The following BTG3 variants were observed in gnomAD, a reference collection of about 807,000 sequenced individuals.
BTG3 encodes the protein protein BTG3.
In BTG3, 4 loss-of-function variants were observed where a neutral mutation model predicts 25.8. The ratio of observed to expected loss-of-function variants is 0.16; its 90% CI spans 0.08 to 0.36. The LOEUF (loss-of-function observed/expected upper bound fraction) is 0.36, where lower values mean the gene tolerates loss of function less well. Among genes scored for constraint, BTG3 ranks in the 10% least tolerant of loss-of-function variants. BTG3 has a pLI of 1.00. For synonymous variants in BTG3, 107 were observed against 99.9 expected, an observed-to-expected ratio of 1.07 and a Z score of -0.42; for missense variants, 201 against 304.9, an observed-to-expected ratio of 0.66 and a Z score of 2.54.
intron 1 of BTG3, among the ~76,000 whole-genome samples, chr21:17,610,889 G>A (rs1052901074): frequency 6.6e-6 from 1 of 152,130 alleles, no homozygotes; most frequent in Non-Finnish European, 1.5e-5. Context: ...TATTCCAAGT[G>A]CAAATTCAAA....
At position 17,604,768 on chromosome 21, in the gene BTG3, A is replaced by G. The variant is rs184635825; in HGVS notation, c.311+92T>C. 1.1e-5 allele frequency: 16 copies of G among 1,428,276 alleles called. 1 individual carries two copies. The African/African-American group carries it at 1.9e-4, about 17-fold the overall frequency. The allele number at this position is 1,428,276 out of a possible 1,614,324, so 88.5% of individuals were successfully genotyped here. On this transcript the variant is annotated intron_variant, in intron 3 of 4. Transcript: ENST00000348354. ...AGAGTTAAACCACCAGCTCCTGGCC[A>G]TAAAGATACACAGGCAGGCCGTACA...
chr21:17,608,279 A>G (rs1367649214), intron 2 of BTG3, among the ~76,000 whole-genome samples: 1 of 152,014 alleles, frequency 6.6e-6, no homozygotes, highest in East Asian at 1.9e-4. Context: ...AGTCTGAGGC[A>G]GTAGGATTGC....
chr21:17,605,078 G>T, intron 2 of BTG3, 81 bp from the exon 3 acceptor site: 1 of 1,459,188 alleles, frequency 6.9e-7, no homozygotes, highest in African/African-American at 1.4e-5. Flanking sequence ...ACTTGCCAAG[G>T]TGAGTAATAA....
In BTG3 at chr21:17,609,021, A is replaced by G; in HGVS notation, c.124T>C (p.Tyr42His). Residue 42 changes from tyrosine (Y) to histidine (H), a missense_variant, in exon 2 of 5, where the codon TAT (tyrosine) becomes CAT (histidine). Physicochemically the swap from Tyr to His is moderately conservative, Grantham distance 83 (BLOSUM62 2). Transcript: ENST00000348354. ...TTTTCTGGATACCAGTGATTTTTAT[A>G]TTTTTCTTGAAGTATTAGGGTCAAT... is the stretch of plus-strand genomic sequence containing the variant. ...EKLTLILQEKYKNHWYPEKPS... is the reference protein window; with the variant it reads ...EKLTLILQEKHKNHWYPEKPS... 1 of 1,613,524 alleles carries G rather than the reference A, an allele frequency of 6.2e-7. No homozygotes were observed. The highest frequency in any genetic ancestry group is 8.5e-7 in the Non-Finnish European group (1 of 1,179,892).
intron 1 of BTG3, chr21:17,612,338 G>A (rs893264583): frequency 4.6e-5 from 7 of 152,230 alleles, no homozygotes; most frequent in African/African-American, 9.6e-5. Flanking sequence ...CGGAGCTCCA[G>A]AAAAAACACC....
rs1041414224 is a variant in BTG3, at chr21:17,612,746, C to G, written c.-56G>C. 6.6e-6 allele frequency: 1 copy of G among 152,586 alleles called. No individual in the cohort carries two copies. The highest frequency in any genetic ancestry group is 1.5e-5 in the Non-Finnish European group (1 of 68,410). The allele number at this position is 152,586 out of a possible 1,614,324, so 9.5% of individuals were successfully genotyped here. A position where few individuals can be genotyped will look rare whatever the true frequency, so the allele number is the denominator to read the frequency against. ...CGGCCGGAGATTCGGCGGCCCAGAC[C>G]GTGTCCTGGCCGGGAACTGAGGGCT... On this transcript the variant is annotated 5_prime_UTR_variant, in exon 1 of 5. Coordinates refer to ENST00000348354, the MANE Select transcript of BTG3 (RefSeq NM_006806.5).
chr21:17,603,615 A>AGGCCAGGT (rs1374071379), intron 3 of BTG3, among the ~76,000 whole-genome samples: 9 of 152,230 alleles, frequency 5.9e-5, no homozygotes, highest in African/African-American at 1.9e-4. Flanking sequence ...ATCAATAAAG[A>AGGCCAGGT]GGCCAGGTGG....
intron 2 of BTG3, among the ~76,000 whole-genome samples, chr21:17,606,545 A>T (rs1419137488): frequency 6.6e-6 from 1 of 152,150 alleles, no homozygotes; most frequent in Non-Finnish European, 1.5e-5. Flanking sequence ...ATAAAAAGAT[A>T]TATCTTAGAT....
In BTG3 at chr21:17,597,696, C is replaced by T. The variant is rs1229158317; in HGVS notation, c.519+921G>A. ...TATGATAATCTTCAGAAATAATCTT[C>T]CCCTAAAGTCTAGGAAGAATAATTC... On this transcript the variant is annotated intron_variant, in intron 4 of 4. Transcript: ENST00000348354. 4.7e-5 allele frequency among the ~76,000 whole-genome samples: 7 copies of T among 149,982 alleles called. No individual in the cohort carries two copies. The South Asian group carries it at 1.1e-3, about 23-fold the overall frequency.
chr21:17,612,492 GCCTCGCGGGCCGC>G (rs901409325), intron 1 of BTG3, 194 bp downstream of exon 1: 1 of 152,172 alleles, frequency 6.6e-6, no homozygotes, highest in African/African-American at 2.4e-5. Flanking sequence ...CCCGCGGAAA[GCCTCGCGGGCCGC>G]CCTCGCGGCC....
chr21:17,598,545 C>T lies in BTG3; in HGVS notation c.519+72G>A, dbSNP rs148316170. On this transcript the variant is annotated intron_variant, in intron 4 of 4. Coordinates refer to ENST00000348354, the MANE Select transcript of BTG3 (RefSeq NM_006806.5). ...TCAAGTCAGAAACCTTGGGCAATGC[C>T]AAGTAGGACTACCTGAAAGGTCCTG... The T allele has an allele frequency of 2.0e-3, 2,562 of 1,313,824 alleles. 5 individuals carry two copies. Among genetic ancestry groups the T allele is most frequent in the Middle Eastern group, 2.4e-3 (13 of 5,328 alleles). 81.4% of individuals were successfully genotyped at this position (1,313,824 alleles called of 1,614,324 possible).
In BTG3 at chr21:17,593,929, A is replaced by G. The variant is rs563413894; in HGVS notation, c.*164T>C. 4 of 920,804 alleles carry G rather than the reference A, an allele frequency of 4.3e-6. No individual in the cohort carries two copies. In the African/African-American group the frequency reaches 6.8e-5, roughly 16 times the overall value. The allele number at this position is 920,804 out of a possible 1,614,324, so 57.0% of individuals were successfully genotyped here. A position where few individuals can be genotyped will look rare whatever the true frequency, so the allele number is the denominator to read the frequency against. ...AACTATATCAATATCTAAAGTGCAT[A>G]TATTTTTTAAGAAAGATTATTCTCA... On this transcript the variant is annotated 3_prime_UTR_variant, in exon 5 of 5. Transcript: ENST00000348354.
chr21:17,604,739 TGA>T lies in BTG3; in HGVS notation c.311+119_311+120del, dbSNP rs1181359294. The T allele has an allele frequency of 9.8e-6, 12 of 1,226,808 alleles. No homozygotes were observed. In the East Asian group the frequency reaches 1.8e-4, roughly 18 times the overall value. 76.0% of individuals were successfully genotyped at this position (1,226,808 alleles called of 1,614,324 possible). A position where few individuals can be genotyped will look rare whatever the true frequency, so the allele number is the denominator to read the frequency against. On this transcript the variant is annotated intron_variant, in intron 3 of 4. Transcript: ENST00000348354. ...AAAAGTATTTCATAAAATTTACATC[TGA>T]GAGAGTTAAACCACCAGCTCCTGGC...
chr21:17,597,632 C>T (rs910906497), intron 4 of BTG3, among the ~76,000 whole-genome samples: 114 of 151,638 alleles, frequency 7.5e-4, no homozygotes, highest in South Asian at 4.2e-4. Flanking sequence ...ATGTTATATA[C>T]ATATACATAT....
At chr21:17,604,495 A>G (rs956043539) in intron 3 of BTG3, among the ~76,000 whole-genome samples, 4 of 152,102 alleles carry the variant, frequency 2.6e-5, no homozygotes, top group Non-Finnish European at 4.4e-5. Flanking sequence ...AACAAACCAA[A>G]AGTGGTTATC....
At chr21:17,604,003 C>A (rs934761989) in intron 3 of BTG3, 3 of 587,862 alleles carry the variant, frequency 5.1e-6, no homozygotes, top group African/African-American at 4.1e-5. Flanking sequence ...GTGCCTGGTC[C>A]ACAAATAATG....
At chr21:17,601,162 C>CA (rs35194409) in intron 3 of BTG3, among the ~76,000 whole-genome samples, 7,019 of 115,428 alleles carry the variant, frequency 0.061, 404 homozygotes, top group African/African-American at 0.17. Flanking sequence ...GACTCCGTCT[C>CA]AAAAAAAAAA....
chr21:17,604,258 T>A (rs1422924191), intron 3 of BTG3: 1 of 358,756 alleles, frequency 2.8e-6, no homozygotes, highest in Admixed American at 5.0e-5. Flanking sequence ...CTGGCCAACA[T>A]GGTGAAACCC....
chr21:17,605,181 GA>G (rs2061622919), intron 2 of BTG3, 184 bp from the exon 3 acceptor site: 3 of 633,140 alleles, frequency 4.7e-6, no homozygotes, highest in South Asian at 2.7e-5. Flanking sequence ...GAGGCAGCCT[GA>G]AAAAAAGATG....
Sources: gnomAD v4.1 joint callset for allele counts (sites outside exome capture counted in the v4.1 genomes callset) on GRCh38, gnomAD v4.1.1 for gene constraint, MANE v1.5 for transcripts, NCBI Gene and HGNC (gene_info 2026-07-23, HGNC 2026-07-21) for gene names.